FRMD5: variants seen among roughly 807,000 people sequenced by gnomAD.
FRMD5 encodes FERM domain containing 5.
Under a neutral mutation model 69.0 loss-of-function variants are expected in FRMD5, and 20 were observed. The ratio of observed to expected loss-of-function variants is 0.29; its 90% confidence interval spans 0.20 to 0.42. The LOEUF is 0.42. FRMD5 is among the 10% of genes least tolerant of loss of function. FRMD5 has a pLI of 1.00. For synonymous variants in FRMD5, 271 were observed against 260.1 expected, an observed-to-expected ratio of 1.04 and a Z score of -0.40; for missense variants, 595 against 708.6, an observed-to-expected ratio of 0.84 and a Z score of 1.82.
At chr15:44,008,785 G>T (rs755078391) in intron 1 of FRMD5, among the ~76,000 whole-genome samples, 1 of 152,136 alleles carries the variant, frequency 6.6e-6, no homozygotes, top group South Asian at 2.1e-4. Context: ...CCAGCACTTT[G>T]GGAGGCTGAG....
rs760237072 is a variant in FRMD5, at chr15:43,909,979, C to T, written c.330G>A (p.Arg110=). Residue 110 remains arginine (R), a splice_region_variant and synonymous_variant, in exon 5 of 14, where the codon AGG becomes AGA. Transcript: ENST00000417257. ...TTTTGATCTGCAGGAAGACTAAATA[C>T]CTGGAGAGAAAACAGAGAATAAACT... The part of the protein sequence containing the change: ...DPAALKEEIT[R]YLVFLQIKRD... 1 of 1,561,862 alleles carries T rather than the reference C, an allele frequency of 6.4e-7. No individual in the cohort carries two copies.
At chr15:44,185,340 C>G (rs775707633) in intron 1 of FRMD5, among the ~76,000 whole-genome samples, 2 of 152,140 alleles carry the variant, frequency 1.3e-5, no homozygotes, top group East Asian at 3.8e-4. Context: ...AATGGCCTCC[C>G]GAAGAGCTGA....
chr15:43,985,707 T>A (rs375651980), intron 1 of FRMD5, among the ~76,000 whole-genome samples: 2 of 152,170 alleles, frequency 1.3e-5, no homozygotes, highest in Non-Finnish European at 2.9e-5. Flanking sequence ...CATTAATGAA[T>A]GGAGAAATGT....
In FRMD5 at chr15:43,969,838, C is replaced by G. The variant is rs117335582; in HGVS notation, c.103-45529G>C. ...TACTATTCCTCTATCCTAAGATTTTCTGGAGGTAAGAACTATACTGGTTAT... is the reference window on the plus strand; with the variant it reads ...TACTATTCCTCTATCCTAAGATTTTGTGGAGGTAAGAACTATACTGGTTAT... On this transcript the variant is annotated intron_variant, in intron 1 of 13. Transcript: ENST00000417257. Among the ~76,000 whole-genome samples, 736 of 152,252 alleles carry G rather than the reference C, an allele frequency of 4.8e-3. 1 individual carries two copies. The highest frequency in any genetic ancestry group is 7.4e-3 in the Non-Finnish European group (504 of 68,022).
intron 13 of FRMD5, among the ~76,000 whole-genome samples, chr15:43,880,041 G>A (rs1021088331): frequency 6.6e-6 from 1 of 152,206 alleles, no homozygotes; most frequent in African/African-American, 2.4e-5. Flanking sequence ...GACAGAGGGG[G>A]CAGAGAACAA....
intron 1 of FRMD5, among the ~76,000 whole-genome samples, chr15:44,134,233 C>T (rs1019276391): frequency 7.9e-5 from 12 of 152,136 alleles, no homozygotes; most frequent in Middle Eastern, 3.4e-3. Context: ...CCTCAGCCTC[C>T]TGAACAGCTA....
At chr15:44,107,344 C>T (rs2076734621) in intron 1 of FRMD5, among the ~76,000 whole-genome samples, 1 of 152,084 alleles carries the variant, frequency 6.6e-6, no homozygotes, top group African/African-American at 2.4e-5. Flanking sequence ...TAATTCTGTA[C>T]CAACAAAACC....
At chr15:44,136,490 T>G (rs1043705417) in intron 1 of FRMD5, among the ~76,000 whole-genome samples, 2 of 152,206 alleles carry the variant, frequency 1.3e-5, no homozygotes, top group African/African-American at 4.8e-5. Context: ...CTGGCTATGA[T>G]AAAATATAAA....
At chr15:44,068,305 A>G (rs927933312) in intron 1 of FRMD5, among the ~76,000 whole-genome samples, 6 of 152,242 alleles carry the variant, frequency 3.9e-5, no homozygotes, top group Admixed American at 3.9e-4. Flanking sequence ...TCATAGCAGC[A>G]TTATACATGA....
chr15:43,949,710 G>T (rs865822981), intron 1 of FRMD5, among the ~76,000 whole-genome samples: 1 of 152,278 alleles, frequency 6.6e-6, no homozygotes. Context: ...TACAGGTGAA[G>T]CAGTCCAATT....
intron 1 of FRMD5, among the ~76,000 whole-genome samples, chr15:44,039,312 T>G (rs1406081368): frequency 1.3e-5 from 2 of 152,228 alleles, no homozygotes; most frequent in African/African-American, 4.8e-5. Flanking sequence ...AGCACAGCAT[T>G]CAAGCTCTGA....
chr15:44,135,130 T>C lies in FRMD5; in HGVS notation c.102+59823A>G, dbSNP rs368000083. Among the ~76,000 whole-genome samples the C allele has an allele frequency of 3.3e-4, 51 of 152,312 alleles. 1 individual carries two copies. In the South Asian group the frequency reaches 7.5e-3, roughly 22 times the overall value. Reference sequence around the variant, plus strand: ...AAAAAAGTTTGAATCCCCAAATCTATACAAACTATACCTCAGAGTACTGAA... The same window carrying C: ...AAAAAAGTTTGAATCCCCAAATCTACACAAACTATACCTCAGAGTACTGAA... On this transcript the variant is annotated intron_variant, in intron 1 of 13. Coordinates refer to ENST00000417257, the MANE Select transcript of FRMD5 (RefSeq NM_032892.5).
intron 1 of FRMD5, among the ~76,000 whole-genome samples, chr15:44,043,199 T>C (rs1167278859): frequency 4.6e-5 from 7 of 152,056 alleles, no homozygotes; most frequent in Non-Finnish European, 1.0e-4. Context: ...ATAAAATATC[T>C]AGGAATACAA....
chr15:44,013,573 A>G (rs1343721031), intron 1 of FRMD5, among the ~76,000 whole-genome samples: 1 of 152,206 alleles, frequency 6.6e-6, no homozygotes, highest in Non-Finnish European at 1.5e-5. Flanking sequence ...GGCCTATACT[A>G]TTCTGAAAGT....
chr15:44,120,484 G>T, intron 1 of FRMD5, among the ~76,000 whole-genome samples: 1 of 151,302 alleles, frequency 6.6e-6, no homozygotes, highest in South Asian at 2.1e-4. Flanking sequence ...TGGGTAACTA[G>T]AAGGATAAGG....
intron 1 of FRMD5, among the ~76,000 whole-genome samples, chr15:44,071,876 T>C (rs1017322748): frequency 2.0e-5 from 3 of 152,218 alleles, no homozygotes; most frequent in Non-Finnish European, 4.4e-5. Flanking sequence ...TTCCTTACTA[T>C]TGATGCTGAG....
intron 13 of FRMD5, among the ~76,000 whole-genome samples, chr15:43,876,733 C>G (rs991518933): frequency 2.0e-5 from 3 of 152,198 alleles, no homozygotes; most frequent in Non-Finnish European, 4.4e-5. Flanking sequence ...ACTCTCTCTG[C>G]TCTTCTTGAG....
At chr15:44,125,800 C>T (rs1297252016) in intron 1 of FRMD5, among the ~76,000 whole-genome samples, 1 of 152,202 alleles carries the variant, frequency 6.6e-6, no homozygotes, top group Non-Finnish European at 1.5e-5. Context: ...ATACAGCACT[C>T]ATCACCAATC....
chr15:44,093,604 G>T (rs1392578973), intron 1 of FRMD5, among the ~76,000 whole-genome samples: 1 of 147,032 alleles, frequency 6.8e-6, no homozygotes, highest in Admixed American at 6.8e-5. Context: ...ACGGAGTCTC[G>T]CTCTGTCGCC....
Sources: gnomAD v4.1 joint callset for allele counts (sites outside exome capture counted in the v4.1 genomes callset) on GRCh38, gnomAD v4.1.1 for gene constraint, MANE v1.5 for transcripts, NCBI Gene and HGNC (gene_info 2026-07-23, HGNC 2026-07-21) for gene names.